Variants in RYR2 observed in about 807,000 individuals in gnomAD.
The protein encoded by RYR2 is cardiac muscle ryanodine receptor-calcium release channel.
Under a neutral mutation model 601.1 loss-of-function variants are expected in RYR2, and 227 were observed. The observed-to-expected ratio is 0.38, with a 90% CI of 0.34 to 0.42. The LOEUF is 0.42. RYR2 is among the 10% of genes least tolerant of loss of function. The probability of loss-of-function intolerance (pLI) is 1.00; values close to 1 mark genes in which losing one functional copy is unlikely to be tolerated. For missense variants in RYR2, 4,646 were observed against 6,156.5 expected (o/e 0.75, Z 8.21); for synonymous variants, 2,223 against 2,175.1 (o/e 1.02, Z -0.61).
chr1:237,614,080 T>G lies in RYR2; in HGVS notation c.4952T>G (p.Leu1651Arg). 6.2e-7 allele frequency: 1 copy of G among 1,613,956 alleles called. No homozygotes were observed. Among genetic ancestry groups the G allele is most frequent in the East Asian group, 2.2e-5 (1 of 44,888 alleles). The stretch of plus-strand genomic sequence containing the variant: ...GAGTTGACAGAGCAGGAGGAATTGC[T>G]GAAATTTCACTATCACACTCTCCGG... ...ILELTEQEEL[L>R]KFHYHTLRLY... Residue 1651 changes from leucine to arginine, a missense_variant, in exon 37 of 105, where the codon CTG (leucine) becomes CGG (arginine). Physicochemically the swap from Leu to Arg is moderately radical, Grantham distance 102 (BLOSUM62 -2). Transcript: ENST00000366574. The surrounding 1 kb of genome is among the most constrained non-coding windows in gnomAD (Gnocchi z 4.3).
chr1:237,648,647 G>A (rs1209261935), intron 49 of RYR2, 34 bp downstream of exon 49: 1 of 1,589,912 alleles, frequency 6.3e-7, no homozygotes, highest in South Asian at 1.1e-5. Context: ...CTCCTCTCTT[G>A]ACTCTTCACT....
At chr1:237,643,509 A>C in intron 48 of RYR2, 62 bp downstream of exon 48, 1 of 1,604,406 alleles carries the variant, frequency 6.2e-7, no homozygotes. Context: ...TGTTCTAAAG[A>C]ATGTTTTCCG....
In RYR2 at chr1:237,776,639, T is replaced by TTCTCTC. The variant is rs3835527; in HGVS notation, c.11776-2011_11776-2006dup. ...TTTTTACTCTCCCCCCTGAAGGTTC[T>TTCTCTC]TCTCTCTCTCTCTCTCTCTCTTTCC... is the stretch of plus-strand genomic sequence containing the variant. On this transcript the variant is annotated intron_variant, in intron 87 of 104. Coordinates refer to ENST00000366574, the MANE Select transcript of RYR2 (RefSeq NM_001035.3). Among the ~76,000 whole-genome samples, 166 of 149,704 alleles carry TTCTCTC rather than the reference T, an allele frequency of 1.1e-3. 6 individuals are homozygous for TTCTCTC. In the South Asian group the frequency reaches 0.032, roughly 29 times the overall value.
At chr1:237,679,874 G>T (rs906849281) in intron 61 of RYR2, among the ~76,000 whole-genome samples, 4 of 152,182 alleles carry the variant, frequency 2.6e-5, no homozygotes, top group Non-Finnish European at 5.9e-5. Context: ...ACGAGGCCAG[G>T]TGATGTGAGT....
chr1:237,644,822 A>G lies in RYR2; in HGVS notation c.7342+1375A>G, dbSNP rs538398723. Among the ~76,000 whole-genome samples the G allele has an allele frequency of 1.5e-3, 228 of 152,248 alleles. 2 individuals carry two copies. Among genetic ancestry groups the G allele is most frequent in the African/African-American group, 5.3e-3 (222 of 41,556 alleles). The stretch of plus-strand genomic sequence containing the variant: ...CAAGGCAGGTGGATCACCTGAGGTC[A>G]GGAGTTCGAGACCAGCCTGGACAAC... On this transcript the variant is annotated intron_variant, in intron 48 of 104. Transcript: ENST00000366574.
chr1:237,159,175 C>T (rs1361597099), intron 1 of RYR2, among the ~76,000 whole-genome samples: 2 of 152,138 alleles, frequency 1.3e-5, no homozygotes, highest in Non-Finnish European at 2.9e-5. Context: ...CCTGTAATCC[C>T]AGCTACTCGG....
At chr1:237,761,209 G>A (rs1454814143) in intron 84 of RYR2, among the ~76,000 whole-genome samples, 181 bp downstream of exon 84, 1 of 152,188 alleles carries the variant, frequency 6.6e-6, no homozygotes, top group African/African-American at 2.4e-5. Flanking sequence ...AACCTTCCAC[G>A]CCGGTCATTA....
At chr1:237,651,329 C>A in intron 50 of RYR2, 82 bp from the exon 51 acceptor site, 2 of 954,456 alleles carry the variant, frequency 2.1e-6, no homozygotes, top group Non-Finnish European at 3.3e-6. Context: ...AGGTCCTTGG[C>A]TGATATAATT....
chr1:237,471,263 C>T (rs1423097276), intron 17 of RYR2: 2 of 152,278 alleles, frequency 1.3e-5, no homozygotes, highest in African/African-American at 4.8e-5. Flanking sequence ...TGGAAGCTTC[C>T]AACTTGCTTC....
In RYR2 at chr1:237,798,056, A is replaced by G. The variant is rs749030677; in HGVS notation, c.13976A>G (p.Glu4659Gly). 42 of 1,610,814 alleles carry G rather than the reference A, an allele frequency of 2.6e-5. No individual in the cohort carries two copies. The highest frequency in any genetic ancestry group is 4.5e-5 in the East Asian group (2 of 44,820). The change falls in exon 97 of 105, where the codon GAG becomes GGG. Residue 4659 changes from glutamate (E) to glycine (G), a missense_variant. Glu to Gly is a moderately conservative substitution (Grantham distance 98, BLOSUM62 -2). Coordinates refer to ENST00000366574, the MANE Select transcript of RYR2 (RefSeq NM_001035.3). ...VKRKVMDKYG[E>G]FYGRDRISEL... ...CCCAAGGTTATGGATAAATATGGAG[A>G]GTTCTACGGCCGAGACAGAATCAGT...
chr1:237,303,309 T>A (rs1359989407), intron 2 of RYR2, among the ~76,000 whole-genome samples: 1 of 144,334 alleles, frequency 6.9e-6, no homozygotes, highest in Non-Finnish European at 1.5e-5. Context: ...TTTTTTTTTT[T>A]TTTTTTTTGA....
intron 3 of RYR2, among the ~76,000 whole-genome samples, chr1:237,335,516 A>G (rs775721361): frequency 6.6e-6 from 1 of 152,212 alleles, no homozygotes; most frequent in Non-Finnish European, 1.5e-5. Flanking sequence ...TAATGCCATG[A>G]GTCCAATATA....
intron 14 of RYR2, among the ~76,000 whole-genome samples, chr1:237,448,365 A>G (rs1657650453): frequency 6.6e-6 from 1 of 152,160 alleles, no homozygotes; most frequent in Admixed American, 6.6e-5. Context: ...CAGAGAATAT[A>G]CTTTGTGAGA....
intron 26 of RYR2, among the ~76,000 whole-genome samples, chr1:237,549,078 AC>A (rs1670113824): frequency 2.0e-5 from 3 of 152,212 alleles, no homozygotes; most frequent in Admixed American, 1.3e-4. Flanking sequence ...TTCATTCCGC[AC>A]AAGGGAGGCA....
chr1:237,393,115 G>A (rs906492433), intron 10 of RYR2, among the ~76,000 whole-genome samples: 27 of 152,154 alleles, frequency 1.8e-4, no homozygotes, highest in African/African-American at 6.3e-4. Flanking sequence ...ATGTTTTGTG[G>A]GGTGGTATGA....
chr1:237,262,366 CT>C (rs905685950), intron 1 of RYR2, among the ~76,000 whole-genome samples: 35 of 147,070 alleles, frequency 2.4e-4, no homozygotes, highest in African/African-American at 8.2e-4. Context: ...AGTGATTCTC[CT>C]GCCTTAGCCT....
chr1:237,312,881 A>G (rs1376021764), intron 2 of RYR2, among the ~76,000 whole-genome samples: 7 of 152,152 alleles, frequency 4.6e-5, no homozygotes, highest in African/African-American at 1.7e-4. Flanking sequence ...GTCATTTTCC[A>G]TTTGTGTCTA....
chr1:237,526,379 A>G (rs1667597819), intron 24 of RYR2, among the ~76,000 whole-genome samples: 1 of 148,854 alleles, frequency 6.7e-6, no homozygotes, highest in Non-Finnish European at 1.5e-5. Context: ...CCAGAGTCTC[A>G]CTCTGTAGCC....
intron 4 of RYR2, among the ~76,000 whole-genome samples, chr1:237,359,688 T>C (rs1179448581): frequency 2.6e-5 from 4 of 152,166 alleles, no homozygotes; most frequent in African/African-American, 9.7e-5. Flanking sequence ...CCTGCCTTCA[T>C]CTCCTTCCTT....
Sources: allele counts gnomAD v4.1 joint callset (sites outside exome capture counted in the v4.1 genomes callset), GRCh38; gene constraint gnomAD v4.1.1; non-coding constraint Gnocchi (gnomAD v3.1); transcripts MANE v1.5; gene names NCBI Gene and HGNC (gene_info 2026-07-23, HGNC 2026-07-21).